The following DPP10 variants were observed in gnomAD, a reference collection of about 807,000 sequenced individuals.
DPP10 encodes the protein inactive dipeptidyl peptidase 10.
DPP10 carries 33 observed loss-of-function variants against 120.9 expected under a neutral mutation model. The ratio of observed to expected loss-of-function variants is 0.27; its 90% CI spans 0.21 to 0.37. The LOEUF (loss-of-function observed/expected upper bound fraction) is 0.37, where lower values mean the gene tolerates loss of function less well. Among genes scored for constraint, DPP10 ranks in the 10% least tolerant of loss-of-function variants. The pLI, the probability that DPP10 is intolerant of heterozygous loss-of-function variation, is 1.00. For missense variants in DPP10, 816 were observed against 942.8 expected (o/e 0.87, Z 1.76); for synonymous variants, 337 against 326.1 (o/e 1.03, Z -0.36).
intron 3 of DPP10, among the ~76,000 whole-genome samples, chr2:115,357,258 T>C (rs927382544): frequency 1.3e-5 from 2 of 152,226 alleles, no homozygotes; most frequent in African/African-American, 4.8e-5. Context: ...ACCTAGTGCC[T>C]GTAAAACCAG....
rs566304761 is a variant in DPP10 at position 114,842,017 on chromosome 2, A to G, written c.60+399179A>G. ...AGAGTAACCATCTTATCTGTTTTACATACCAGTTCTCTTTTGAATATAGAA... is the reference window on the plus strand; with the variant it reads ...AGAGTAACCATCTTATCTGTTTTACGTACCAGTTCTCTTTTGAATATAGAA... On this transcript the variant is annotated intron_variant, in intron 1 of 25. Transcript: ENST00000410059. 8.5e-5 allele frequency among the ~76,000 whole-genome samples: 13 copies of G among 152,264 alleles called. No homozygotes were observed. The East Asian group carries it at 2.5e-3, about 29-fold the overall frequency.
intron 3 of DPP10, among the ~76,000 whole-genome samples, chr2:115,451,894 G>C (rs12995148): frequency 2.8e-4 from 3 of 10,630 alleles, no homozygotes; most frequent in Non-Finnish European, 0.017. Context: ...TTGTGTGTGT[G>C]TGTGTGTCTG....
chr2:115,425,923 G>A lies in DPP10; in HGVS notation c.272-73587G>A, dbSNP rs143554398. Among the ~76,000 whole-genome samples the A allele has an allele frequency of 7.9e-4, 120 of 152,278 alleles. 1 individual carries two copies. Among genetic ancestry groups the A allele is most frequent in the African/African-American group, 2.7e-3 (112 of 41,558 alleles). On this transcript the variant is annotated intron_variant, in intron 3 of 25. Coordinates refer to ENST00000410059, the MANE Select transcript of DPP10 (RefSeq NM_020868.6). ...AAGAGCAAGGAAGAAAGGGGAAGGC[G>A]CCACATATACCAAACAACTAAATCT...
In DPP10 at chr2:115,187,702, G is replaced by A. The variant is rs571596702; in HGVS notation, c.61-121537G>A. On this transcript the variant is annotated intron_variant, in intron 1 of 25. Coordinates refer to ENST00000410059, the MANE Select transcript of DPP10 (RefSeq NM_020868.6). ...ATGAAATATAATGTAGTGGGTGGGA[G>A]CATGACAAAGCTCAGTAGGCCTGGT... 1.8e-4 allele frequency among the ~76,000 whole-genome samples: 28 copies of A among 152,178 alleles called. No individual in the cohort carries two copies. In the South Asian group the frequency reaches 4.8e-3, roughly 26 times the overall value.
At chr2:114,663,660 T>TAGAGAGAGAGAGAGAGAGAGAGAGAGAG (rs1485631969) in intron 1 of DPP10, among the ~76,000 whole-genome samples, 2 of 91,532 alleles carry the variant, frequency 2.2e-5, no homozygotes, top group African/African-American at 1.6e-4. Context: ...TATATATATA[T>TAGAGAGAGAGAGAGAGAGAGAGAGAGAG]ATATATATAG....
intron 1 of DPP10, among the ~76,000 whole-genome samples, chr2:114,758,592 G>A (rs1379918129): frequency 3.3e-5 from 5 of 152,088 alleles, no homozygotes; most frequent in African/African-American, 7.2e-5. Context: ...TTAATTGTCC[G>A]TTCTACAGTC....
intron 1 of DPP10, among the ~76,000 whole-genome samples, chr2:114,766,221 T>C (rs908271963): frequency 6.6e-6 from 1 of 152,008 alleles, no homozygotes; most frequent in African/African-American, 2.4e-5. Context: ...CCATCATCAC[T>C]GAAACTAAAA....
chr2:114,979,645 G>C (rs528674734), intron 1 of DPP10, among the ~76,000 whole-genome samples: 1 of 152,080 alleles, frequency 6.6e-6, no homozygotes, highest in Admixed American at 6.6e-5. Flanking sequence ...CTTTAATCTT[G>C]AAAGCAAATC....
chr2:114,977,754 T>C (rs1699842926), intron 1 of DPP10, among the ~76,000 whole-genome samples: 1 of 152,222 alleles, frequency 6.6e-6, no homozygotes, highest in African/African-American at 2.4e-5. Flanking sequence ...TCTTAATATA[T>C]TTCTCTCCAA....
chr2:114,470,770 C>T (rs1412355520), intron 1 of DPP10, among the ~76,000 whole-genome samples: 1 of 152,196 alleles, frequency 6.6e-6, no homozygotes, highest in African/African-American at 2.4e-5. Flanking sequence ...CCACAATGAC[C>T]AAAGCCAGAG....
Position 115,590,116 on chromosome 2 carries a change from C to CTT in DPP10, c.441+64155_441+64156dup, listed in dbSNP as rs35289540. Among the ~76,000 whole-genome samples the CTT allele has an allele frequency of 2.9e-5, 4 of 140,230 alleles. No individual in the cohort carries two copies. The South Asian group carries it at 6.8e-4, about 24-fold the overall frequency. 92.0% of individuals were successfully genotyped at this position (140,230 alleles called of 152,430 possible). A position where few individuals can be genotyped will look rare whatever the true frequency, so the allele number is the denominator to read the frequency against. ...ATTAAAGTGAACCTGCTTTCCTTTT[C>CTT]TTTTTTTTTTTTCCCCCATATGGTA... On this transcript the variant is annotated intron_variant, in intron 5 of 25. Transcript: ENST00000410059.
At position 115,596,058 on chromosome 2, in the gene DPP10, C is replaced by A. The variant is rs189117255; in HGVS notation, c.441+70086C>A. On this transcript the variant is annotated intron_variant, in intron 5 of 25. Coordinates refer to ENST00000410059, the MANE Select transcript of DPP10 (RefSeq NM_020868.6). ...ACAGAGCTGCAGATAATGCCTTACC[C>A]TTTCCTGCATAGCCAGGAGGCATAG... 1.2e-4 allele frequency among the ~76,000 whole-genome samples: 19 copies of A among 152,230 alleles called. 1 individual carries two copies. In the East Asian group the frequency reaches 3.3e-3, roughly 26 times the overall value.
chr2:115,589,933 G>T (rs780156030), intron 5 of DPP10, among the ~76,000 whole-genome samples: 8 of 151,958 alleles, frequency 5.3e-5, no homozygotes, highest in Non-Finnish European at 1.0e-4. Flanking sequence ...CAGCAAACCA[G>T]GTACTGTAAA....
At chr2:115,033,428 A>G (rs1573377737) in intron 1 of DPP10, among the ~76,000 whole-genome samples, 1 of 152,092 alleles carries the variant, frequency 6.6e-6, no homozygotes, top group East Asian at 1.9e-4. Context: ...TCAGCCATAT[A>G]TTAAAGCTTT....
At chr2:115,157,781 C>T (rs2052020634) in intron 1 of DPP10, among the ~76,000 whole-genome samples, 1 of 152,174 alleles carries the variant, frequency 6.6e-6, no homozygotes, top group South Asian at 2.1e-4. Context: ...ATATTTCAGG[C>T]CAAGTCTCTG....
At chr2:115,311,735 A>G (rs2061587403) in intron 2 of DPP10, among the ~76,000 whole-genome samples, 1 of 151,952 alleles carries the variant, frequency 6.6e-6, no homozygotes, top group South Asian at 2.1e-4. Context: ...ATATGATATT[A>G]ATCATATAAA....
chr2:114,803,189 A>G (rs757242014), intron 1 of DPP10, among the ~76,000 whole-genome samples: 2 of 152,094 alleles, frequency 1.3e-5, no homozygotes, highest in African/African-American at 4.8e-5. Context: ...TTCTCTTGTC[A>G]CCACCATGTA....
At chr2:115,686,738 A>G (rs1382804954) in intron 5 of DPP10, among the ~76,000 whole-genome samples, 1 of 152,044 alleles carries the variant, frequency 6.6e-6, no homozygotes, top group Admixed American at 6.6e-5. Flanking sequence ...AAATAAGCTG[A>G]TCAAGTTTTG....
chr2:114,832,255 C>G (rs562325902), intron 1 of DPP10, among the ~76,000 whole-genome samples: 1 of 152,146 alleles, frequency 6.6e-6, no homozygotes, highest in South Asian at 2.1e-4. Context: ...TGGCCCTGGC[C>G]GGGGGTGGTG....
Sources: gnomAD v4.1 joint callset for allele counts (sites outside exome capture counted in the v4.1 genomes callset) on GRCh38, gnomAD v4.1.1 for gene constraint, MANE v1.5 for transcripts, NCBI Gene and HGNC (gene_info 2026-07-23, HGNC 2026-07-21) for gene names.